Variants in NCK1 observed in about 807,000 individuals in gnomAD.
NCK1 encodes NCK adaptor protein 1.
A neutral mutation model predicts 36.6 loss-of-function variants in NCK1; 19 were observed. The observed-to-expected ratio is 0.52, with a 90% CI of 0.36 to 0.76. The LOEUF (loss-of-function observed/expected upper bound fraction) is 0.76, where lower values mean the gene tolerates loss of function less well. NCK1 is among the 30% of genes least tolerant of loss of function. The probability of loss-of-function intolerance (pLI) is 0.00; values close to 1 mark genes in which losing one functional copy is unlikely to be tolerated. For synonymous variants in NCK1, 165 were observed against 156.0 expected (o/e 1.06, Z -0.43); for missense variants, 358 against 445.6 (o/e 0.80, Z 1.77).
intron 1 of NCK1, 86 bp downstream of exon 1, chr3:136,862,439 G>C (rs1278404686): frequency 3.3e-5 from 5 of 152,540 alleles, no homozygotes; most frequent in African/African-American, 1.2e-4. Context: ...TCGCTGCGTC[G>C]CTTCCTCTTC....
intron 2 of NCK1, chr3:136,928,853 CTCT>C (rs1176605098): frequency 4.8e-5 from 7 of 145,226 alleles, no homozygotes; most frequent in African/African-American, 1.5e-4. Flanking sequence ...AAGGAATGGC[CTCT>C]TCTTTAAAAA....
At chr3:136,936,745 T>C (rs756782511) in intron 2 of NCK1, among the ~76,000 whole-genome samples, 18 of 152,230 alleles carry the variant, frequency 1.2e-4, no homozygotes, top group Admixed American at 3.3e-4. Context: ...ATTGAGGATC[T>C]TTTCATGTGC....
intron 1 of NCK1, chr3:136,899,938 G>C: frequency 1.2e-6 from 1 of 820,478 alleles, no homozygotes; most frequent in Non-Finnish European, 2.1e-6. Context: ...TTAGGTTTTG[G>C]TTTATCTTGT....
chr3:136,882,110 A>AT (rs1938957441), intron 1 of NCK1, among the ~76,000 whole-genome samples: 1 of 152,214 alleles, frequency 6.6e-6, no homozygotes, highest in Non-Finnish European at 1.5e-5. Context: ...ACCATTTTCC[A>AT]TAGCAGCTGC....
At chr3:136,922,330 T>C (rs1940134404) in intron 1 of NCK1, among the ~76,000 whole-genome samples, 1 of 152,150 alleles carries the variant, frequency 6.6e-6, no homozygotes, top group Non-Finnish European at 1.5e-5. Context: ...TTCTTGATGG[T>C]AGAAGATTTA....
intron 1 of NCK1, among the ~76,000 whole-genome samples, chr3:136,924,470 A>C (rs573807808): frequency 3.3e-5 from 5 of 152,284 alleles, no homozygotes; most frequent in African/African-American, 1.2e-4. Context: ...CTTAAGTGCA[A>C]TATATCGACT....
At chr3:136,878,570 A>T (rs896159121) in intron 1 of NCK1, among the ~76,000 whole-genome samples, 3 of 152,038 alleles carry the variant, frequency 2.0e-5, no homozygotes, top group African/African-American at 4.8e-5. Context: ...TAGGGTATGG[A>T]GTTTCTTTTT....
intron 1 of NCK1, among the ~76,000 whole-genome samples, chr3:136,906,651 T>C (rs1486598252): frequency 6.6e-6 from 1 of 151,966 alleles, no homozygotes; most frequent in East Asian, 1.9e-4. Flanking sequence ...GTGGGCATGG[T>C]GTGGATGATG....
At chr3:136,912,162 CTT>C (rs57596314) in intron 1 of NCK1, among the ~76,000 whole-genome samples, 4 of 128,156 alleles carry the variant, frequency 3.1e-5, no homozygotes, top group African/African-American at 6.5e-5. Context: ...ATTATTTTTT[CTT>C]TTTTTTTTTT....
At chr3:136,879,172 A>T (rs1938860999) in intron 1 of NCK1, among the ~76,000 whole-genome samples, 1 of 152,098 alleles carries the variant, frequency 6.6e-6, no homozygotes, top group African/African-American at 2.4e-5. Context: ...GAAAAGTTGA[A>T]GTTAGAGTAA....
intron 1 of NCK1, among the ~76,000 whole-genome samples, chr3:136,909,609 G>T (rs2108109485): frequency 6.6e-6 from 1 of 152,124 alleles, no homozygotes; most frequent in Non-Finnish European, 1.5e-5. Context: ...ACAGCTAATT[G>T]GTTTATAGTA....
At chr3:136,908,125 CAA>C (rs893014233) in intron 1 of NCK1, among the ~76,000 whole-genome samples, 5 of 151,896 alleles carry the variant, frequency 3.3e-5, no homozygotes, top group African/African-American at 1.2e-4. Flanking sequence ...TTATAGTAAA[CAA>C]TGATAAATAT....
intron 1 of NCK1, among the ~76,000 whole-genome samples, chr3:136,891,867 T>G (rs1355467140): frequency 6.6e-6 from 1 of 152,244 alleles, no homozygotes; most frequent in East Asian, 1.9e-4. Context: ...ATTCAATTCC[T>G]ACTCCATTTT....
chr3:136,946,701 C>G (rs1576995746), intron 3 of NCK1, among the ~76,000 whole-genome samples: 1 of 151,996 alleles, frequency 6.6e-6, no homozygotes, highest in Admixed American at 6.6e-5. Context: ...TCACTGTAGT[C>G]CTTATGACAT....
intron 2 of NCK1, among the ~76,000 whole-genome samples, chr3:136,939,144 G>C (rs962962855): frequency 9.9e-5 from 15 of 152,106 alleles, no homozygotes; most frequent in Admixed American, 7.2e-4. Flanking sequence ...GTTACTGATT[G>C]AATCTTTTAC....
chr3:136,918,216 C>G (rs1688738264), intron 1 of NCK1, among the ~76,000 whole-genome samples: 2 of 151,924 alleles, frequency 1.3e-5, no homozygotes, highest in African/African-American at 4.8e-5. Flanking sequence ...AGATACATAT[C>G]TAAATAATAT....
At chr3:136,880,003 G>T (rs945919468) in intron 1 of NCK1, among the ~76,000 whole-genome samples, 13 of 27,754 alleles carry the variant, frequency 4.7e-4, no homozygotes, top group Middle Eastern at 0.026. Context: ...AAAAAAAAAA[G>T]GCTGGGCACA....
At chr3:136,928,851 G>A (rs1195679857) in intron 2 of NCK1, 7 of 145,410 alleles carry the variant, frequency 4.8e-5, no homozygotes, top group Non-Finnish European at 9.0e-5. Flanking sequence ...GCAAGGAATG[G>A]CCTCTTCTTT....
chr3:136,887,004 C>G (rs768730269), intron 1 of NCK1, among the ~76,000 whole-genome samples: 3 of 151,866 alleles, frequency 2.0e-5, no homozygotes, highest in African/African-American at 7.3e-5. Context: ...CCACCATGCC[C>G]GGCTAATTTT....
Sources: allele counts gnomAD v4.1 joint callset (sites outside exome capture counted in the v4.1 genomes callset), GRCh38; gene constraint gnomAD v4.1.1; transcripts MANE v1.5; gene names NCBI Gene and HGNC (gene_info 2026-07-23, HGNC 2026-07-21).